MTMR12: variants seen among roughly 807,000 people sequenced by gnomAD.
MTMR12 encodes the protein myotubularin related protein 12, also known as myotubularin-related protein 12.
In MTMR12, 33 loss-of-function variants were observed where a neutral mutation model predicts 96.7. That is an observed-to-expected ratio of 0.34 (90% confidence interval 0.26 to 0.46). The LOEUF (loss-of-function observed/expected upper bound fraction) is 0.46, where lower values mean the gene tolerates loss of function less well. MTMR12 is among the 20% of genes least tolerant of loss of function. MTMR12 has a pLI of 1.00. For synonymous variants in MTMR12, 298 were observed against 327.2 expected, an observed-to-expected ratio of 0.91 and a Z score of 0.96; for missense variants, 721 against 896.1, an observed-to-expected ratio of 0.80 and a Z score of 2.49.
rs1233831681 is a variant in MTMR12, at chr5:32,227,552, G to A, written c.*2226C>T. ...TTGTGCCTTTAAACCATACTTTGTA[G>A]AGTGTAAAGCATCACACCGGGCATT... On this transcript the variant is annotated 3_prime_UTR_variant, in exon 16 of 16. Coordinates refer to ENST00000382142, the MANE Select transcript of MTMR12 (RefSeq NM_001040446.3). 2 of 152,604 alleles carry A rather than the reference G, an allele frequency of 1.3e-5. No individual in the cohort carries two copies. Among genetic ancestry groups the A allele is most frequent in the African/African-American group, 4.8e-5 (2 of 41,442 alleles). The allele number at this position is 152,604 out of a possible 1,614,324, so 9.5% of individuals were successfully genotyped here.
At chr5:32,231,002 G>A (rs1747973930) in intron 15 of MTMR12, among the ~76,000 whole-genome samples, 1 of 152,220 alleles carries the variant, frequency 6.6e-6, no homozygotes, top group Non-Finnish European at 1.5e-5. Flanking sequence ...GCATGGAGTA[G>A]AAAATGGGAG....
intron 1 of MTMR12, among the ~76,000 whole-genome samples, chr5:32,284,024 A>C (rs1750416166): frequency 6.6e-6 from 1 of 152,146 alleles, no homozygotes; most frequent in African/African-American, 2.4e-5. Flanking sequence ...AATCTTGGCC[A>C]GGCGCGGTGG....
intron 1 of MTMR12, among the ~76,000 whole-genome samples, chr5:32,304,131 C>T (rs945615867): frequency 6.6e-6 from 1 of 152,108 alleles, no homozygotes; most frequent in African/African-American, 2.4e-5. Flanking sequence ...ACCATCCCGA[C>T]TAACACAGTG....
chr5:32,250,682 C>T (rs1488685901), intron 8 of MTMR12, among the ~76,000 whole-genome samples: 1 of 152,172 alleles, frequency 6.6e-6, no homozygotes, highest in African/African-American at 2.4e-5. Flanking sequence ...CCCTTTTTAT[C>T]TCCTCTTCTG....
chr5:32,246,193 G>T (rs1748683038), intron 10 of MTMR12, among the ~76,000 whole-genome samples: 1 of 64,028 alleles, frequency 1.6e-5, no homozygotes. Context: ...TTGAGATGGA[G>T]TCTTGCTCTG....
chr5:32,298,609 G>A (rs912738716), intron 1 of MTMR12, among the ~76,000 whole-genome samples: 1 of 152,106 alleles, frequency 6.6e-6, no homozygotes, highest in Admixed American at 6.6e-5. Flanking sequence ...TCCTATAAGA[G>A]GGACAGCATG....
At chr5:32,249,577 A>C (rs2112024112) in intron 8 of MTMR12, among the ~76,000 whole-genome samples, 1 of 152,314 alleles carries the variant, frequency 6.6e-6, no homozygotes, top group Middle Eastern at 3.4e-3. Flanking sequence ...TAGGAATATA[A>C]AATAAGGTAG....
At chr5:32,234,881 T>C in intron 14 of MTMR12, 81 bp downstream of exon 14, 1 of 1,355,814 alleles carries the variant, frequency 7.4e-7, no homozygotes. Flanking sequence ...AGCACCATTT[T>C]ATTTGTAGCA....
chr5:32,277,473 C>A (rs982527919), intron 1 of MTMR12, among the ~76,000 whole-genome samples: 1 of 152,050 alleles, frequency 6.6e-6, no homozygotes, highest in Non-Finnish European at 1.5e-5. Flanking sequence ...CCGAGATGGG[C>A]AGATAACTTG....
Position 32,274,118 on chromosome 5 carries a change from T to C in MTMR12, c.147A>G (p.Glu49=). Residue 49 remains glutamate (E), a synonymous_variant, in exon 3 of 16, where the codon GAA becomes GAG. Coordinates refer to ENST00000382142, the MANE Select transcript of MTMR12 (RefSeq NM_001040446.3). ...KEVTLHLLPG[E]QLLCEASTVL... ...CTGTGCTGGCTTCACAAAGCAGCTG[T>C]TCACCTGGTAGAAACCAAAACAGGT... The C allele has an allele frequency of 2.5e-6, 4 of 1,614,060 alleles. No homozygotes were observed. The highest frequency in any genetic ancestry group is 2.5e-6 in the Non-Finnish European group (3 of 1,179,976).
intron 14 of MTMR12, 100 bp from the exon 15 acceptor site, chr5:32,234,034 G>GC: frequency 7.3e-7 from 1 of 1,376,304 alleles, no homozygotes; most frequent in Non-Finnish European, 1.0e-6. Context: ...CTCCTGCTCT[G>GC]CCCTGAGAAT....
At chr5:32,280,180 G>A (rs1229637285) in intron 1 of MTMR12, among the ~76,000 whole-genome samples, 3 of 152,176 alleles carry the variant, frequency 2.0e-5, no homozygotes, top group Non-Finnish European at 4.4e-5. Flanking sequence ...GTAGAAAAAG[G>A]GTAGGGCCCT....
chr5:32,245,979 C>T (rs570525548), intron 10 of MTMR12, among the ~76,000 whole-genome samples: 47 of 152,266 alleles, frequency 3.1e-4, no homozygotes, highest in African/African-American at 1.1e-3. Context: ...TTCCACCTCT[C>T]GGTAGCCATT....
chr5:32,269,855 C>A (rs577801244), intron 5 of MTMR12, among the ~76,000 whole-genome samples: 1 of 152,112 alleles, frequency 6.6e-6, no homozygotes, highest in Admixed American at 6.6e-5. Flanking sequence ...CACGCTGTTT[C>A]GTGTGAAACT....
rs1747828608 is a variant in MTMR12, at chr5:32,228,544, T to TATCA, written c.*1233_*1234insTGAT. ...ATATATCATATATATGATATATATA[T>TATCA]CATATATATGTGATATATATATATC... On this transcript the variant is annotated 3_prime_UTR_variant, in exon 16 of 16. Transcript: ENST00000382142. The TATCA allele has an allele frequency of 7.1e-6, 1 of 140,286 alleles. No individual in the cohort carries two copies. The highest frequency in any genetic ancestry group is 2.2e-4 in the South Asian group (1 of 4,606). 8.7% of individuals were successfully genotyped at this position (140,286 alleles called of 1,614,324 possible).
Position 32,263,195 on chromosome 5 carries a change from A to G in MTMR12, c.631T>C (p.Trp211Arg). Residue 211 changes from tryptophan (W) to arginine (R), a missense_variant, in exon 7 of 16, where the codon TGG becomes CGG. Coordinates refer to ENST00000382142, the MANE Select transcript of MTMR12 (RefSeq NM_001040446.3). Reference sequence around the variant, plus strand: ...TTGGTCCGTTCCAGTTCCCAACACCAGTCCTTAAGTGTGTCAAACATTACG... The same window carrying G: ...TTGGTCCGTTCCAGTTCCCAACACCGGTCCTTAAGTGTGTCAAACATTACG... ...HTVMFDTLKD[W>R]CWELERTKGN... 1 of 1,614,182 alleles carries G rather than the reference A, an allele frequency of 6.2e-7. No homozygotes were observed. The highest frequency in any genetic ancestry group is 8.5e-7 in the Non-Finnish European group (1 of 1,180,012).
chr5:32,231,108 G>A (rs1328377941), intron 15 of MTMR12, among the ~76,000 whole-genome samples: 1 of 152,162 alleles, frequency 6.6e-6, no homozygotes, highest in Non-Finnish European at 1.5e-5. Flanking sequence ...AGGGTTTTGA[G>A]GCTGGGCGCA....
intron 3 of MTMR12, among the ~76,000 whole-genome samples, chr5:32,272,412 TCACTCAGG>T (rs907474631): frequency 2.3e-4 from 35 of 152,252 alleles, no homozygotes; most frequent in African/African-American, 8.4e-4. Context: ...TTTAGTTCTG[TCACTCAGG>T]CTAGGCTGGA....
intron 12 of MTMR12, among the ~76,000 whole-genome samples, chr5:32,240,453 T>A (rs982918083): frequency 6.6e-5 from 10 of 151,454 alleles, no homozygotes; most frequent in African/African-American, 2.2e-4. Flanking sequence ...CATATTGTGA[T>A]AACTCTTTCA....
Sources: gnomAD v4.1 joint callset for allele counts (sites outside exome capture counted in the v4.1 genomes callset) on GRCh38, gnomAD v4.1.1 for gene constraint, MANE v1.5 for transcripts, NCBI Gene and HGNC (gene_info 2026-07-23, HGNC 2026-07-21) for gene names.